The following MRPS21 variants were observed in gnomAD, a reference collection of about 807,000 sequenced individuals.
The protein encoded by MRPS21 is small ribosomal subunit protein bS21m.
Under a neutral mutation model 9.9 loss-of-function variants are expected in MRPS21, and 8 were observed. The observed-to-expected ratio is 0.81, with a 90% CI of 0.47 to 1.45. MRPS21 has a LOEUF of 1.45. Among genes scored for constraint, MRPS21 ranks in the 40% most tolerant of loss-of-function variants. The pLI is 0.00. For synonymous variants in MRPS21, 40 were observed against 40.3 expected (o/e 0.99, Z 0.03); for missense variants, 101 against 118.9 (o/e 0.85, Z 0.70).
chr1:150,299,523 C>T lies in MRPS21; in HGVS notation c.83+5074C>T, dbSNP rs587715033. ...AAGCTGGAGTGCAGTGGCATGATCT[C>T]GGCTCACTGCAACCTCCGCCTCCCA... On this transcript the variant is annotated intron_variant, in intron 2 of 2. Transcript: ENST00000614145. Among the ~76,000 whole-genome samples, 8 of 152,046 alleles carry T rather than the reference C, an allele frequency of 5.3e-5. No individual in the cohort carries two copies. The South Asian group carries it at 1.5e-3, about 28-fold the overall frequency.
intron 2 of MRPS21, among the ~76,000 whole-genome samples, chr1:150,301,868 G>T (rs987823576): frequency 6.6e-5 from 10 of 152,096 alleles, no homozygotes; most frequent in Non-Finnish European, 1.5e-5. Flanking sequence ...AAAGCGCTGG[G>T]ATTACAGGGG....
chr1:150,294,261 A>C, intron 1 of MRPS21, 74 bp from the exon 2 acceptor site: 1 of 1,015,708 alleles, frequency 9.8e-7, no homozygotes, highest in Non-Finnish European at 1.5e-6. Context: ...ATCCTAAATA[A>C]GCCGCGCGGT....
At chr1:150,294,551 C>G in intron 2 of MRPS21, 102 bp downstream of exon 2, 2 of 991,736 alleles carry the variant, frequency 2.0e-6, no homozygotes, top group Non-Finnish European at 3.1e-6. Flanking sequence ...CAGTGCCAGC[C>G]CAGGTGTTCA....
intron 1 of MRPS21, 31 bp from the exon 2 acceptor site, chr1:150,294,304 C>A: frequency 6.9e-7 from 1 of 1,454,280 alleles, no homozygotes; most frequent in Non-Finnish European, 9.6e-7. Context: ...TCTCTTTCTG[C>A]TTTCCTCGCC....
chr1:150,299,349 CT>C (rs1654027162), intron 2 of MRPS21, among the ~76,000 whole-genome samples: 1 of 151,586 alleles, frequency 6.6e-6, no homozygotes, highest in Non-Finnish European at 1.5e-5. Flanking sequence ...GTCTATACCC[CT>C]TTTTATCTGC....
At chr1:150,300,301 C>T (rs1191171508) in intron 2 of MRPS21, among the ~76,000 whole-genome samples, 16 of 151,960 alleles carry the variant, frequency 1.1e-4, no homozygotes, top group Admixed American at 1.1e-3. Flanking sequence ...CGAGATCGCG[C>T]CACTGCACTC....
intron 2 of MRPS21, among the ~76,000 whole-genome samples, chr1:150,297,049 T>C (rs587705546): frequency 3.4e-4 from 52 of 151,986 alleles, no homozygotes; most frequent in Non-Finnish European, 4.4e-5. Context: ...CCCAGCACTT[T>C]GGGAGGCCAA....
At chr1:150,307,245 A>T (rs1654368660) in intron 2 of MRPS21, among the ~76,000 whole-genome samples, 1 of 148,894 alleles carries the variant, frequency 6.7e-6, no homozygotes, top group East Asian at 2.0e-4. Context: ...ACGGGGTTTC[A>T]CCATATTGGT....
At chr1:150,297,119 GT>G (rs1560062117) in intron 2 of MRPS21, among the ~76,000 whole-genome samples, 1 of 151,388 alleles carries the variant, frequency 6.6e-6, no homozygotes, top group African/African-American at 2.4e-5. Context: ...GTGAAACCCC[GT>G]CTCTACTAAA....
intron 2 of MRPS21, 79 bp from the exon 3 acceptor site, chr1:150,307,969 C>A: frequency 7.5e-7 from 1 of 1,326,480 alleles, no homozygotes; most frequent in Non-Finnish European, 1.0e-6. Flanking sequence ...ATTGTTTGGT[C>A]AATCGACTTC....
chr1:150,296,544 A>G (rs960851137), intron 2 of MRPS21, among the ~76,000 whole-genome samples: 1 of 151,944 alleles, frequency 6.6e-6, no homozygotes, highest in African/African-American at 2.4e-5. Flanking sequence ...TAACCACTCC[A>G]CTCTAACCTA....
chr1:150,297,764 A>G (rs1653969815), intron 2 of MRPS21, among the ~76,000 whole-genome samples: 2 of 152,044 alleles, frequency 1.3e-5, no homozygotes, highest in South Asian at 4.1e-4. Flanking sequence ...ATTGTCACCT[A>G]TGCTGAGAGT....
intron 2 of MRPS21, among the ~76,000 whole-genome samples, chr1:150,296,499 C>T (rs1653919924): frequency 1.3e-5 from 2 of 152,268 alleles, no homozygotes; most frequent in Non-Finnish European, 2.9e-5. Flanking sequence ...GAGTTCAAGA[C>T]TGTAGTGTGA....
chr1:150,301,937 A>G (rs782498518), intron 2 of MRPS21, among the ~76,000 whole-genome samples: 16 of 152,208 alleles, frequency 1.1e-4, no homozygotes, highest in Non-Finnish European at 1.9e-4. Context: ...TCAAGCTTGC[A>G]TACGTGAGCA....
At chr1:150,306,804 TTAAG>T (rs1399034935) in intron 2 of MRPS21, among the ~76,000 whole-genome samples, 1 of 152,190 alleles carries the variant, frequency 6.6e-6, no homozygotes. Context: ...GGATGGAACT[TTAAG>T]TAAGAGAATC....
At chr1:150,302,735 C>A (rs1366726127) in intron 2 of MRPS21, among the ~76,000 whole-genome samples, 2 of 152,140 alleles carry the variant, frequency 1.3e-5, no homozygotes, top group Admixed American at 1.3e-4. Flanking sequence ...ATTAGTAACA[C>A]CCCCTCTATT....
chr1:150,306,644 C>T (rs1457118301), intron 2 of MRPS21, among the ~76,000 whole-genome samples: 1 of 152,088 alleles, frequency 6.6e-6, no homozygotes, highest in Non-Finnish European at 1.5e-5. Context: ...TACAGGCATA[C>T]ACCACCATGC....
At chr1:150,307,347 CCTTT>C (rs782807755) in intron 2 of MRPS21, among the ~76,000 whole-genome samples, 1 of 3,278 alleles carries the variant, frequency 3.1e-4, no homozygotes, top group Non-Finnish European at 2.0e-3. Context: ...TGTGCCCAGT[CCTTT>C]TTTTTTTTTT....
At chr1:150,305,313 A>G (rs1553858364) in intron 2 of MRPS21, among the ~76,000 whole-genome samples, 1 of 152,098 alleles carries the variant, frequency 6.6e-6, no homozygotes, top group Non-Finnish European at 1.5e-5. Context: ...TCCTGGGATT[A>G]CAGGTGTGAG....
Sources: gnomAD v4.1 joint callset for allele counts (sites outside exome capture counted in the v4.1 genomes callset) on GRCh38, gnomAD v4.1.1 for gene constraint, MANE v1.5 for transcripts, NCBI Gene and HGNC (gene_info 2026-07-23, HGNC 2026-07-21) for gene names.